Variants in LRRC40 observed in about 807,000 individuals in gnomAD.
LRRC40 encodes leucine rich repeat containing 40, also known as leucine-rich repeat-containing protein 40.
In LRRC40, 76 loss-of-function variants were observed where a neutral mutation model predicts 72.8. The observed-to-expected ratio is 1.04, with a 90% CI of 0.87 to 1.26. LRRC40 has a LOEUF of 1.26. Ranked by LOEUF, LRRC40 falls within the 50% of genes most tolerant of loss-of-function variation. The pLI, the probability that LRRC40 is intolerant of heterozygous loss-of-function variation, is 0.00. For missense variants in LRRC40, 684 were observed against 698.9 expected (o/e 0.98, Z 0.24); for synonymous variants, 243 against 254.2 (o/e 0.96, Z 0.42).
At chr1:70,176,907 A>T (rs1668118855) in intron 6 of LRRC40, among the ~76,000 whole-genome samples, 1 of 152,250 alleles carries the variant, frequency 6.6e-6, no homozygotes, top group African/African-American at 2.4e-5. Flanking sequence ...AATCTATTAT[A>T]AAAAGTTAAA....
At position 70,167,162 on chromosome 1, in the gene LRRC40, C is replaced by G. The variant is rs1205938847; in HGVS notation, c.1111+6303G>C. On this transcript the variant is annotated intron_variant, in intron 9 of 14. Coordinates refer to ENST00000370952, the MANE Select transcript of LRRC40 (RefSeq NM_017768.5). Reference sequence around the variant, plus strand: ...CATAGAAAATATACTTCCCAGAGATCAACTTCCATCATGACAGCAAGAGGA... The same window carrying G: ...CATAGAAAATATACTTCCCAGAGATGAACTTCCATCATGACAGCAAGAGGA... Among the ~76,000 whole-genome samples the G allele has an allele frequency of 5.4e-5, 8 of 149,220 alleles. No individual in the cohort carries two copies. The East Asian group carries it at 1.6e-3, about 30-fold the overall frequency.
chr1:70,194,928 T>C (rs148841099), intron 1 of LRRC40, among the ~76,000 whole-genome samples: 202 of 152,054 alleles, frequency 1.3e-3, no homozygotes, highest in African/African-American at 4.6e-3. Context: ...ATATTGAAAA[T>C]TGATTTTCAA....
intron 9 of LRRC40, among the ~76,000 whole-genome samples, chr1:70,161,172 C>T (rs897346771): frequency 2.6e-5 from 4 of 151,334 alleles, no homozygotes; most frequent in Admixed American, 2.6e-4. Flanking sequence ...GCAAGCTCCA[C>T]CTCCCGAGTT....
chr1:70,164,147 T>C (rs1667826694), intron 9 of LRRC40, among the ~76,000 whole-genome samples: 1 of 151,808 alleles, frequency 6.6e-6, no homozygotes. Flanking sequence ...TCCCAGCACT[T>C]TGGGAGGCCG....
Position 70,155,755 on chromosome 1 carries a change from G to A in LRRC40, c.1262C>T (p.Ala421Val). 2.5e-6 allele frequency: 4 copies of A among 1,577,354 alleles called. No individual in the cohort carries two copies. The highest frequency in any genetic ancestry group is 1.2e-5 in the South Asian group (1 of 85,086). Residue 421 changes from alanine (A) to valine (V), a missense_variant, in exon 11 of 15, where the codon GCA (alanine) becomes GTA (valine). By Grantham distance (64) the Ala-to-Val change is moderately conservative. Transcript: ENST00000370952. ...AGAAGTGACGATGTTGCTTTTTACT[G>A]CATCAAACACCTCATCAGGAATCAA... ...ATLIPDEVFD[A>V]VKSNIVTSIN...
intron 5 of LRRC40, among the ~76,000 whole-genome samples, chr1:70,180,641 G>T (rs1359438149): frequency 6.6e-6 from 1 of 151,938 alleles, no homozygotes; most frequent in Non-Finnish European, 1.5e-5. Flanking sequence ...TTGACATTTT[G>T]GTTCTTTTAA....
In LRRC40 at chr1:70,184,920, G is replaced by C. The variant is rs368042946; in HGVS notation, c.408-6C>G. The C allele has an allele frequency of 3.8e-6, 6 of 1,577,892 alleles. No individual in the cohort carries two copies. In the East Asian group the frequency reaches 1.3e-4, roughly 35 times the overall value. On this transcript the variant is annotated splice_polypyrimidine_tract_variant and splice_region_variant and intron_variant, in intron 3 of 14. Transcript: ENST00000370952. ...GTATTTTCAGTTTATTATGGCTATT[G>C]GTTGATAAAATAAATGATGAATAAT... is the stretch of plus-strand genomic sequence containing the variant.
intron 12 of LRRC40, chr1:70,151,666 C>T (rs182472032): frequency 2.0e-5 from 3 of 152,098 alleles, no homozygotes; most frequent in African/African-American, 7.2e-5. Context: ...TTGGAGTTTT[C>T]TACTCCATAG....
chr1:70,200,984 C>A (rs1285668556), intron 1 of LRRC40, among the ~76,000 whole-genome samples: 1 of 152,048 alleles, frequency 6.6e-6, no homozygotes, highest in Non-Finnish European at 1.5e-5. Context: ...CCAGCTTGGA[C>A]AATACAGTGA....
intron 9 of LRRC40, among the ~76,000 whole-genome samples, chr1:70,163,657 A>G (rs772903145): frequency 6.6e-6 from 1 of 152,174 alleles, no homozygotes; most frequent in Non-Finnish European, 1.5e-5. Flanking sequence ...ATGTAAGGTA[A>G]CCCATTCACA....
intron 9 of LRRC40, among the ~76,000 whole-genome samples, chr1:70,169,421 A>T (rs565062096): frequency 6.6e-6 from 1 of 152,302 alleles, no homozygotes; most frequent in South Asian, 2.1e-4. Context: ...TAGAAACCTA[A>T]ACCAATTAGA....
At chr1:70,161,421 G>A (rs1460623931) in intron 9 of LRRC40, among the ~76,000 whole-genome samples, 5 of 151,392 alleles carry the variant, frequency 3.3e-5, no homozygotes, top group Middle Eastern at 3.4e-3. Flanking sequence ...GGCCGGTGGC[G>A]GACGCCTGTA....
intron 9 of LRRC40, among the ~76,000 whole-genome samples, chr1:70,163,863 T>C (rs1422398187): frequency 6.6e-6 from 1 of 152,098 alleles, no homozygotes; most frequent in Non-Finnish European, 1.5e-5. Flanking sequence ...GATGGCATAA[T>C]TGGGGTTGGC....
chr1:70,155,617 C>A lies in LRRC40; in HGVS notation c.1328+72G>T, dbSNP rs147391362. The A allele has an allele frequency of 5.5e-4, 359 of 651,586 alleles. No individual in the cohort carries two copies. The African/African-American group carries it at 6.2e-3, about 11-fold the overall frequency. The allele number at this position is 651,586 out of a possible 1,614,324, so 40.4% of individuals were successfully genotyped here. On this transcript the variant is annotated intron_variant, in intron 11 of 14. Transcript: ENST00000370952. ...AAATTTAAAAACCAATATGGAAAAA[C>A]CAATTTAAAAACCAAGATGGAAAAA...
At position 70,173,638 on chromosome 1, in the gene LRRC40, C is replaced by A; in HGVS notation, c.1049G>T (p.Arg350Leu). The A allele has an allele frequency of 6.4e-7, 1 of 1,569,188 alleles. No individual in the cohort carries two copies. The highest frequency in any genetic ancestry group is 8.7e-7 in the Non-Finnish European group (1 of 1,149,806). The change falls in exon 8 of 15, where the codon CGA becomes CTA. Residue 350 changes from arginine to leucine, a missense_variant. Physicochemically the swap from Arg to Leu is moderately radical, Grantham distance 102. Coordinates refer to ENST00000370952, the MANE Select transcript of LRRC40 (RefSeq NM_017768.5). ...ALEGNPLRTIRREIISKGTQE... is the reference protein window; with the variant it reads ...ALEGNPLRTILREIISKGTQE... ...TATACTTACACTTATAATTTCTCTT[C>A]GAATTGTTCTCAAAGGATTTCCTTC...
chr1:70,193,823 AC>A (rs1668552728), intron 1 of LRRC40, among the ~76,000 whole-genome samples: 1 of 152,042 alleles, frequency 6.6e-6, no homozygotes, highest in African/African-American at 2.4e-5. Flanking sequence ...AATAAAAGCT[AC>A]CATATTAACA....
intron 5 of LRRC40, among the ~76,000 whole-genome samples, chr1:70,179,234 A>C (rs1452258874): frequency 6.6e-6 from 1 of 152,184 alleles, no homozygotes; most frequent in Non-Finnish European, 1.5e-5. Flanking sequence ...TAATGCCAGC[A>C]CTTTGGGAGG....
chr1:70,179,696 C>G (rs374716281), intron 5 of LRRC40, among the ~76,000 whole-genome samples: 1 of 151,970 alleles, frequency 6.6e-6, no homozygotes, highest in Non-Finnish European at 1.5e-5. Context: ...TCCTATCTCT[C>G]AAGATATTTC....
At chr1:70,196,425 C>G (rs1668612694) in intron 1 of LRRC40, among the ~76,000 whole-genome samples, 1 of 151,988 alleles carries the variant, frequency 6.6e-6, no homozygotes, top group Admixed American at 6.5e-5. Flanking sequence ...TGGCATACAC[C>G]ATGAGTCCCA....
Sources: allele counts gnomAD v4.1 joint callset (sites outside exome capture counted in the v4.1 genomes callset), GRCh38; gene constraint gnomAD v4.1.1; transcripts MANE v1.5; gene names NCBI Gene and HGNC (gene_info 2026-07-23, HGNC 2026-07-21).